GNAL: variants seen among roughly 807,000 people sequenced by gnomAD.
GNAL encodes G protein subunit alpha L, also known as guanine nucleotide-binding protein G(olf) subunit alpha.
A neutral mutation model predicts 55.1 loss-of-function variants in GNAL; 18 were observed. The ratio of observed to expected loss-of-function variants is 0.33; its 90% CI spans 0.23 to 0.48. GNAL has a LOEUF of 0.48. Ranked by LOEUF, GNAL falls within the 20% of genes least tolerant of loss-of-function variation. The pLI is 0.99. For missense variants in GNAL, 412 were observed against 614.1 expected (o/e 0.67, Z 3.48); for synonymous variants, 253 against 237.0 (o/e 1.07, Z -0.62).
intron 4 of GNAL, among the ~76,000 whole-genome samples, chr18:11,786,406 A>AGC (rs1458590517): frequency 6.9e-6 from 1 of 145,804 alleles, no homozygotes; most frequent in Non-Finnish European, 1.5e-5. Context: ...TGGCTGAAGA[A>AGC]GCGTGGTGGG....
intron 5 of GNAL, among the ~76,000 whole-genome samples, chr18:11,854,881 T>C (rs921335410): frequency 1.8e-4 from 27 of 152,288 alleles, no homozygotes; most frequent in African/African-American, 6.3e-4. Flanking sequence ...TTTTGTTTGG[T>C]TAGTATGGCT....
At chr18:11,804,173 G>A (rs2034598537) in intron 4 of GNAL, among the ~76,000 whole-genome samples, 3 of 143,216 alleles carry the variant, frequency 2.1e-5, no homozygotes, top group South Asian at 4.6e-4. Context: ...GAGATACTGT[G>A]TAGTGGTGAA....
At chr18:11,694,941 G>C (rs1428520970) in intron 1 of GNAL, among the ~76,000 whole-genome samples, 2 of 152,028 alleles carry the variant, frequency 1.3e-5, no homozygotes, top group African/African-American at 4.8e-5. Context: ...AGAGATCTCC[G>C]GTGTCTCTTC....
intron 4 of GNAL, among the ~76,000 whole-genome samples, chr18:11,759,045 C>T (rs937896726): frequency 1.6e-4 from 25 of 152,088 alleles, no homozygotes; most frequent in African/African-American, 5.5e-4. Context: ...TGGTGGCGGG[C>T]GCCTGTAATC....
rs2036688233 is a variant in GNAL, at chr18:11,881,400, G to A, written c.*265G>A. 2 of 388,280 alleles carry A rather than the reference G, an allele frequency of 5.2e-6. No homozygotes were observed. The highest frequency in any genetic ancestry group is 9.5e-6 in the Non-Finnish European group (2 of 210,788). 24.1% of individuals were successfully genotyped at this position (388,280 alleles called of 1,614,324 possible). On this transcript the variant is annotated 3_prime_UTR_variant, in exon 12 of 12. Transcript: ENST00000334049. This position sits in a 1 kb window ranked among gnomAD's most constrained non-coding sequence, Gnocchi z 4.8. ...TGCAGCAGAATCTCTCCGGGTGGGA[G>A]CCCCATTATTCATTCTCCCTTTATT...
chr18:11,880,925 C>G, intron 11 of GNAL, 64 bp from the exon 12 acceptor site: 1 of 1,555,512 alleles, frequency 6.4e-7, no homozygotes, highest in Non-Finnish European at 8.8e-7. Flanking sequence ...TCAGCGTGGC[C>G]TAGTCCTTCC....
In GNAL at chr18:11,885,443, ACCTGGACGGTGCCCTGC is replaced by A; in HGVS notation, c.*4312_*4328del. On this transcript the variant is annotated 3_prime_UTR_variant, in exon 12 of 12. Coordinates refer to ENST00000334049, the MANE Select transcript of GNAL (RefSeq NM_182978.4). ...CGGCCCTCCCTGAAGGATAAAGTCC[ACCTGGACGGTGCCCTGC>A]CCTCGCTTCTCACATTAACTGCCCA... is the stretch of plus-strand genomic sequence containing the variant. 1.8e-6 allele frequency: 1 copy of A among 546,004 alleles called. No homozygotes were observed. Among genetic ancestry groups the A allele is most frequent in the East Asian group, 3.2e-5 (1 of 31,396 alleles). The allele number at this position is 546,004 out of a possible 1,614,324, so 33.8% of individuals were successfully genotyped here. A position where few individuals can be genotyped will look rare whatever the true frequency, so the allele number is the denominator to read the frequency against.
At chr18:11,720,320 G>A (rs987015195) in intron 1 of GNAL, among the ~76,000 whole-genome samples, 1 of 152,152 alleles carries the variant, frequency 6.6e-6, no homozygotes, top group African/African-American at 2.4e-5. Context: ...AAATAATTGT[G>A]TACAATTTTT....
At chr18:11,812,161 T>C (rs1398174126) in intron 4 of GNAL, among the ~76,000 whole-genome samples, 1 of 152,256 alleles carries the variant, frequency 6.6e-6, no homozygotes. Context: ...GTTCCATCAC[T>C]GGAGACTCGA....
intron 1 of GNAL, chr18:11,746,821 AC>A (rs1166235800): frequency 4.0e-6 from 2 of 498,598 alleles, no homozygotes; most frequent in Admixed American, 2.1e-5. Flanking sequence ...TGGTTGCTGG[AC>A]GAGTGGCAGA....
chr18:11,878,368 T>C (rs1196693746), intron 11 of GNAL, among the ~76,000 whole-genome samples: 1 of 152,074 alleles, frequency 6.6e-6, no homozygotes, highest in African/African-American at 2.4e-5. Flanking sequence ...GGAGGATCCC[T>C]TGAGCCTAGG....
Position 11,788,914 on chromosome 18 carries a change from A to AATATATAT in GNAL, c.624+34985_624+34992dup, listed in dbSNP as rs766675246. 3.7e-3 allele frequency among the ~76,000 whole-genome samples: 207 copies of AATATATAT among 56,252 alleles called. 7 individuals are homozygous for AATATATAT. The highest frequency in any genetic ancestry group is 8.8e-3 in the African/African-American group (88 of 10,002). 36.9% of individuals were successfully genotyped at this position (56,252 alleles called of 152,430 possible). ...TCCGTCTCGAAAAAAAAAAAAAAAA[A>AATATATAT]ATATATATATATATATATATATACA... On this transcript the variant is annotated intron_variant, in intron 4 of 11. Coordinates refer to ENST00000334049, the MANE Select transcript of GNAL (RefSeq NM_182978.4).
intron 4 of GNAL, among the ~76,000 whole-genome samples, chr18:11,818,820 A>C (rs1009766411): frequency 6.6e-6 from 1 of 152,264 alleles, no homozygotes; most frequent in African/African-American, 2.4e-5. Context: ...AAATGTAAAA[A>C]GCAGTTGCTT....
chr18:11,741,674 T>C (rs975429288), intron 1 of GNAL, among the ~76,000 whole-genome samples: 1 of 152,210 alleles, frequency 6.6e-6, no homozygotes, highest in Non-Finnish European at 1.5e-5. Flanking sequence ...TGCGTTGCTT[T>C]AAAAGCACCT....
intron 1 of GNAL, among the ~76,000 whole-genome samples, chr18:11,716,823 C>T (rs1218242945): frequency 2.0e-5 from 3 of 152,220 alleles, no homozygotes; most frequent in Admixed American, 6.5e-5. Context: ...ATTTACAATC[C>T]CTGAGCTAGA....
intron 4 of GNAL, among the ~76,000 whole-genome samples, chr18:11,759,580 T>C (rs989333287): frequency 2.0e-5 from 3 of 152,208 alleles, no homozygotes; most frequent in African/African-American, 4.8e-5. Flanking sequence ...GAGTGTTCGG[T>C]CAGTGTGCAG....
chr18:11,712,666 A>G (rs1393682610), intron 1 of GNAL, among the ~76,000 whole-genome samples: 1 of 152,122 alleles, frequency 6.6e-6, no homozygotes, highest in African/African-American at 2.4e-5. Context: ...AAAATCTCTG[A>G]TTTCTCTCCC....
chr18:11,709,545 G>A (rs184922325), intron 1 of GNAL, among the ~76,000 whole-genome samples: 40 of 151,926 alleles, frequency 2.6e-4, no homozygotes, highest in African/African-American at 6.8e-4. Context: ...ATTCCTAAGT[G>A]TTTTGTTATT....
chr18:11,879,537 T>C (rs912209848), intron 11 of GNAL, among the ~76,000 whole-genome samples: 2 of 152,186 alleles, frequency 1.3e-5, no homozygotes, highest in Non-Finnish European at 2.9e-5. Flanking sequence ...TGGTTTCCTC[T>C]TCTCTCTAGG....
Sources: allele counts gnomAD v4.1 joint callset (sites outside exome capture counted in the v4.1 genomes callset), GRCh38; gene constraint gnomAD v4.1.1; non-coding constraint Gnocchi (gnomAD v3.1); transcripts MANE v1.5; gene names NCBI Gene and HGNC (gene_info 2026-07-23, HGNC 2026-07-21).